The following DPYSL3 variants were observed in gnomAD, a reference collection of about 807,000 sequenced individuals.
The protein encoded by DPYSL3 is dihydropyrimidinase-related protein 3.
DPYSL3 carries 16 observed loss-of-function variants against 66.1 expected under a neutral mutation model. That is an observed-to-expected ratio of 0.24 (90% CI 0.16 to 0.37). The LOEUF (loss-of-function observed/expected upper bound fraction) is 0.37, where lower values mean the gene tolerates loss of function less well. DPYSL3 is among the 10% of genes least tolerant of loss of function. DPYSL3 has a pLI of 1.00. For synonymous variants in DPYSL3, 338 were observed against 345.1 expected, an observed-to-expected ratio of 0.98 and a Z score of 0.23; for missense variants, 738 against 916.2, an observed-to-expected ratio of 0.81 and a Z score of 2.51.
At chr5:147,454,803 T>G (rs1474775211) in intron 1 of DPYSL3, among the ~76,000 whole-genome samples, 1 of 152,198 alleles carries the variant, frequency 6.6e-6, no homozygotes, top group Non-Finnish European at 1.5e-5. Context: ...ACATTGTCCT[T>G]TAGCTACCTG....
intron 1 of DPYSL3, among the ~76,000 whole-genome samples, chr5:147,443,244 T>C (rs1288099935): frequency 6.6e-6 from 1 of 152,148 alleles, no homozygotes; most frequent in Non-Finnish European, 1.5e-5. Flanking sequence ...ATAGAACCAA[T>C]GATAGACTGG....
chr5:147,502,871 C>T (rs181357854), intron 1 of DPYSL3, among the ~76,000 whole-genome samples: 1 of 152,072 alleles, frequency 6.6e-6, no homozygotes, highest in African/African-American at 2.4e-5. Context: ...CCACTGTGCC[C>T]GGCCTTAATA....
Position 147,491,553 on chromosome 5 carries a change from T to C in DPYSL3, c.381+17925A>G, listed in dbSNP as rs190677198. On this transcript the variant is annotated intron_variant, in intron 1 of 13. Coordinates refer to ENST00000343218, the MANE Select transcript of DPYSL3 (RefSeq NM_001197294.2). Reference sequence around the variant, plus strand: ...GCTTTAGTAGAAAAAGTAGACAACATGGAAGAACAGATAAATAAGGTAAGA... The same window carrying C: ...GCTTTAGTAGAAAAAGTAGACAACACGGAAGAACAGATAAATAAGGTAAGA... Among the ~76,000 whole-genome samples the C allele has an allele frequency of 2.6e-5, 4 of 151,912 alleles. No individual in the cohort carries two copies. The East Asian group carries it at 7.8e-4, about 29-fold the overall frequency.
chr5:147,491,581 A>G (rs1476680316), intron 1 of DPYSL3, among the ~76,000 whole-genome samples: 1 of 152,186 alleles, frequency 6.6e-6, no homozygotes, highest in Non-Finnish European at 1.5e-5. Context: ...AGGTAAGAAG[A>G]CAGAAATTCT....
At chr5:147,429,349 A>T (rs567654500) in intron 1 of DPYSL3, among the ~76,000 whole-genome samples, 1 of 152,156 alleles carries the variant, frequency 6.6e-6, no homozygotes, top group East Asian at 1.9e-4. Flanking sequence ...CTGCTGGGAG[A>T]ATCAGACACA....
rs977168145 is a variant in DPYSL3 at position 147,393,236 on chromosome 5, G to A, written c.*799C>T. Reference sequence around the variant, plus strand: ...TTTAAGAGCACCAAAGAGGCAGGGAGGGCAAGAGGAAGAGAAGTGTCATTT... The same window carrying A: ...TTTAAGAGCACCAAAGAGGCAGGGAAGGCAAGAGGAAGAGAAGTGTCATTT... On this transcript the variant is annotated 3_prime_UTR_variant, in exon 14 of 14. Coordinates refer to ENST00000343218, the MANE Select transcript of DPYSL3 (RefSeq NM_001197294.2). The A allele has an allele frequency of 2.0e-5, 3 of 152,426 alleles. No individual in the cohort carries two copies. Among genetic ancestry groups the A allele is most frequent in the Middle Eastern group, 3.4e-3 (1 of 294 alleles). 9.4% of individuals were successfully genotyped at this position (152,426 alleles called of 1,614,324 possible). A position where few individuals can be genotyped will look rare whatever the true frequency, so the allele number is the denominator to read the frequency against.
chr5:147,453,072 G>C (rs1260735700), intron 1 of DPYSL3, among the ~76,000 whole-genome samples: 1 of 152,138 alleles, frequency 6.6e-6, no homozygotes, highest in Non-Finnish European at 1.5e-5. Context: ...CGCGGCGCAG[G>C]GGTCAGAGCC....
At chr5:147,497,369 A>T (rs781040666) in intron 1 of DPYSL3, among the ~76,000 whole-genome samples, 98 of 152,038 alleles carry the variant, frequency 6.4e-4, no homozygotes, top group Admixed American at 9.2e-4. Context: ...CCTGCACGTC[A>T]TGCACACGTA....
At chr5:147,429,702 C>T (rs1752271937) in intron 1 of DPYSL3, among the ~76,000 whole-genome samples, 1 of 152,032 alleles carries the variant, frequency 6.6e-6, no homozygotes, top group African/African-American at 2.4e-5. Context: ...CCCATGTCTC[C>T]CATCTCCTGG....
chr5:147,471,302 G>A lies in DPYSL3; in HGVS notation c.381+38176C>T, dbSNP rs564028101. The stretch of plus-strand genomic sequence containing the variant: ...AAAATAATCTCAGTAAAACTATTGA[G>A]AAAAAAAAAGAGCAATGATTCAGAT... On this transcript the variant is annotated intron_variant, in intron 1 of 13. Coordinates refer to ENST00000343218, the MANE Select transcript of DPYSL3 (RefSeq NM_001197294.2). Among the ~76,000 whole-genome samples, 547 of 150,848 alleles carry A rather than the reference G, an allele frequency of 3.6e-3. 2 individuals carry two copies. The highest frequency in any genetic ancestry group is 0.014 in the Middle Eastern group (4 of 292).
intron 8 of DPYSL3, among the ~76,000 whole-genome samples, chr5:147,404,005 G>C (rs190458572): frequency 6.6e-6 from 1 of 152,236 alleles, no homozygotes; most frequent in East Asian, 1.9e-4. Context: ...AATGGGTCCC[G>C]GGCAGAATGC....
At chr5:147,487,136 T>C (rs1354418714) in intron 1 of DPYSL3, among the ~76,000 whole-genome samples, 1 of 152,152 alleles carries the variant, frequency 6.6e-6, no homozygotes, top group Non-Finnish European at 1.5e-5. Flanking sequence ...AAGCTTTATT[T>C]TAAGCTTGAC....
At chr5:147,424,586 G>T (rs937023294) in intron 2 of DPYSL3, among the ~76,000 whole-genome samples, 1 of 152,116 alleles carries the variant, frequency 6.6e-6, no homozygotes, top group African/African-American at 2.4e-5. Flanking sequence ...CACTTATCCC[G>T]ACTTCAACTC....
chr5:147,483,009 C>A (rs577501899), intron 1 of DPYSL3, among the ~76,000 whole-genome samples: 1 of 152,190 alleles, frequency 6.6e-6, no homozygotes, highest in Non-Finnish European at 1.5e-5. Flanking sequence ...ACTGCTCCCA[C>A]GATCCAATCG....
chr5:147,393,995 T>A lies in DPYSL3; in HGVS notation c.*40A>T. ...GTGTACCATTTTGGCTTCAAAACAA[T>A]CTCTTCTTGCTTCTGCCCCTCTCTT... On this transcript the variant is annotated 3_prime_UTR_variant, in exon 14 of 14. Coordinates refer to ENST00000343218, the MANE Select transcript of DPYSL3 (RefSeq NM_001197294.2). 1 of 1,602,256 alleles carries A rather than the reference T, an allele frequency of 6.2e-7. No homozygotes were observed.
chr5:147,397,053 A>G (rs1050294269), intron 12 of DPYSL3, among the ~76,000 whole-genome samples: 14 of 147,864 alleles, frequency 9.5e-5, no homozygotes, highest in African/African-American at 3.2e-4. Flanking sequence ...ATATTATTCT[A>G]TATTTATATA....
In DPYSL3 at chr5:147,505,226, T is replaced by C. The variant is rs371459622; in HGVS notation, c.381+4252A>G. Among the ~76,000 whole-genome samples, 48 of 152,226 alleles carry C rather than the reference T, an allele frequency of 3.2e-4. No homozygotes were observed. The East Asian group carries it at 8.9e-3, about 28-fold the overall frequency. On this transcript the variant is annotated intron_variant, in intron 1 of 13. Coordinates refer to ENST00000343218, the MANE Select transcript of DPYSL3 (RefSeq NM_001197294.2). ...TCTAGTGATAACTCAAACCTGGAAT[T>C]TGACACTCAGAGACGTTTTTTTTTT...
rs148986928 is a variant in DPYSL3 at position 147,440,847 on chromosome 5, T to G, written c.382-15884A>C. Among the ~76,000 whole-genome samples the G allele has an allele frequency of 1.1e-3, 162 of 152,316 alleles. 1 individual carries two copies. The highest frequency in any genetic ancestry group is 3.7e-3 in the African/African-American group (155 of 41,576). ...ACCTTCTTAAAAGGAGATAGAACAGTACAGTAAGTGAGGGTTTTCAAGGCT... is the reference window on the plus strand; with the variant it reads ...ACCTTCTTAAAAGGAGATAGAACAGGACAGTAAGTGAGGGTTTTCAAGGCT... On this transcript the variant is annotated intron_variant, in intron 1 of 13. Coordinates refer to ENST00000343218, the MANE Select transcript of DPYSL3 (RefSeq NM_001197294.2).
intron 13 of DPYSL3, among the ~76,000 whole-genome samples, chr5:147,395,058 T>C (rs1379531312): frequency 1.3e-5 from 2 of 152,178 alleles, no homozygotes; most frequent in African/African-American, 2.4e-5. Context: ...GGCTAACACA[T>C]AGTAGATGTT....
Sources: gnomAD v4.1 joint callset for allele counts (sites outside exome capture counted in the v4.1 genomes callset) on GRCh38, gnomAD v4.1.1 for gene constraint, MANE v1.5 for transcripts, NCBI Gene and HGNC (gene_info 2026-07-23, HGNC 2026-07-21) for gene names.